The following WNT7A variants were observed in gnomAD, a reference collection of about 807,000 sequenced individuals.
WNT7A encodes protein Wnt-7a.
Under a neutral mutation model 28.2 loss-of-function variants are expected in WNT7A, and 16 were observed. That is an observed-to-expected ratio of 0.57 (90% confidence interval 0.38 to 0.86). WNT7A has a LOEUF of 0.86. WNT7A is among the 40% of genes least tolerant of loss of function. WNT7A has a pLI of 0.00. For missense variants in WNT7A, 411 were observed against 489.7 expected, an observed-to-expected ratio of 0.84 and a Z score of 1.52; for synonymous variants, 190 against 195.9, an observed-to-expected ratio of 0.97 and a Z score of 0.25.
At chr3:13,856,984 A>G (rs57938058) in intron 2 of WNT7A, among the ~76,000 whole-genome samples, 5 of 71,158 alleles carry the variant, frequency 7.0e-5, no homozygotes, top group African/African-American at 1.8e-4. Context: ...GAAGAAGAAG[A>G]AGGAGAAGAA....
intron 2 of WNT7A, among the ~76,000 whole-genome samples, chr3:13,856,893 A>AAAAAGAAGAAGAAGAAGAAG (rs1559303190): frequency 4.1e-5 from 3 of 73,288 alleles, no homozygotes; most frequent in Non-Finnish European, 7.7e-5. Context: ...AGAAGAAGAA[A>AAAAAGAAGAAGAAGAAGAAG]AAGAAGAAGA....
chr3:13,858,619 G>T (rs1326729986), intron 2 of WNT7A, among the ~76,000 whole-genome samples: 1 of 152,102 alleles, frequency 6.6e-6, no homozygotes, highest in Non-Finnish European at 1.5e-5. Flanking sequence ...CCCAGAGTGA[G>T]GTCTCATCAA....
chr3:13,829,500 G>A (rs963460431), intron 3 of WNT7A, among the ~76,000 whole-genome samples: 1 of 152,192 alleles, frequency 6.6e-6, no homozygotes, highest in Non-Finnish European at 1.5e-5. Flanking sequence ...TTGAGCAGTG[G>A]ATGCTGGGAT....
intron 1 of WNT7A, among the ~76,000 whole-genome samples, chr3:13,878,392 G>A (rs938973163): frequency 6.6e-6 from 1 of 152,192 alleles, no homozygotes; most frequent in African/African-American, 2.4e-5. Context: ...GCGGCGGGGC[G>A]CGGGCCAAGA....
chr3:13,839,932 G>C (rs1694429889), intron 3 of WNT7A, among the ~76,000 whole-genome samples: 1 of 152,188 alleles, frequency 6.6e-6, no homozygotes, highest in African/African-American at 2.4e-5. Flanking sequence ...AAGCAGGGGT[G>C]CAGGGAGGGT....
In WNT7A at chr3:13,817,835, C is replaced by T. The variant is rs3796314; in HGVS notation, c.*1109G>A. 20,047 of 152,222 alleles carry T rather than the reference C, an allele frequency of 0.13. 1,570 individuals are homozygous for T. The highest frequency in any genetic ancestry group is 0.21 in the Middle Eastern group (62 of 294). 9.4% of individuals were successfully genotyped at this position (152,222 alleles called of 1,614,324 possible). On this transcript the variant is annotated 3_prime_UTR_variant, in exon 4 of 4. Coordinates refer to ENST00000285018, the MANE Select transcript of WNT7A (RefSeq NM_004625.4). ...CCCACCACAGTGACTCATTTCGAAG[C>T]TACCACTCAGTGGCCCTGCTTGAAA... is the stretch of plus-strand genomic sequence containing the variant.
At chr3:13,863,082 G>C (rs902897343) in intron 2 of WNT7A, among the ~76,000 whole-genome samples, 3 of 152,140 alleles carry the variant, frequency 2.0e-5, no homozygotes, top group Non-Finnish European at 2.9e-5. Flanking sequence ...TACCTCCCAG[G>C]GTTGTTGGGA....
chr3:13,842,554 A>G (rs983156239), intron 3 of WNT7A, among the ~76,000 whole-genome samples: 1 of 152,164 alleles, frequency 6.6e-6, no homozygotes, highest in Non-Finnish European at 1.5e-5. Flanking sequence ...GCTCGGGGGT[A>G]TAAGTTATTT....
At chr3:13,830,876 C>G (rs541666550) in intron 3 of WNT7A, among the ~76,000 whole-genome samples, 1 of 152,342 alleles carries the variant, frequency 6.6e-6, no homozygotes, top group East Asian at 1.9e-4. Flanking sequence ...ACTACGCCAT[C>G]TCCCAGACTC....
Position 13,819,090 on chromosome 3 carries a change from T to C in WNT7A, c.904A>G (p.Ser302Gly), listed in dbSNP as rs1325226530. The change falls in exon 4 of 4, where the codon AGC becomes GGC. Residue 302 changes from serine (S) to glycine (G), a missense_variant. Coordinates refer to ENST00000285018, the MANE Select transcript of WNT7A (RefSeq NM_004625.4). ...RACNKTAPQA[S>G]GCDLMCCGRG... Reference sequence around the variant, plus strand: ...CCACAGCACATGAGGTCACAGCCGCTGGCCTGGGGAGCCGTCTTGTTGCAG... The same window carrying C: ...CCACAGCACATGAGGTCACAGCCGCCGGCCTGGGGAGCCGTCTTGTTGCAG... 1.9e-6 allele frequency: 3 copies of C among 1,614,158 alleles called. No homozygotes were observed. Among genetic ancestry groups the C allele is most frequent in the South Asian group, 1.1e-5 (1 of 91,082 alleles).
At chr3:13,870,767 G>T (rs777339808) in intron 2 of WNT7A, among the ~76,000 whole-genome samples, 1 of 152,234 alleles carries the variant, frequency 6.6e-6, no homozygotes, top group Non-Finnish European at 1.5e-5. Context: ...AGGCCGTCCC[G>T]CTGCCCCAAG....
chr3:13,819,500 GC>G, intron 3 of WNT7A, 77 bp from the exon 4 acceptor site: 2 of 1,357,028 alleles, frequency 1.5e-6, no homozygotes, highest in Non-Finnish European at 1.9e-6. Context: ...GCTCCCCCCC[GC>G]CCCCCACCCC....
intron 3 of WNT7A, among the ~76,000 whole-genome samples, chr3:13,852,987 G>A (rs1339125934): frequency 6.6e-6 from 1 of 152,104 alleles, no homozygotes; most frequent in Non-Finnish European, 1.5e-5. Context: ...GAGATGGGAG[G>A]GCTGTTCCTG....
At chr3:13,866,735 G>C (rs985725198) in intron 2 of WNT7A, among the ~76,000 whole-genome samples, 1 of 152,134 alleles carries the variant, frequency 6.6e-6, no homozygotes, top group African/African-American at 2.4e-5. Flanking sequence ...GGATGGGTGT[G>C]CGTTTTATTC....
chr3:13,823,441 G>A (rs1250590008), intron 3 of WNT7A, among the ~76,000 whole-genome samples: 2 of 152,192 alleles, frequency 1.3e-5, no homozygotes, highest in Non-Finnish European at 2.9e-5. Flanking sequence ...GTATGCCCCA[G>A]GCCCGAGCAA....
At chr3:13,877,957 G>T (rs1366805063) in intron 1 of WNT7A, among the ~76,000 whole-genome samples, 1 of 152,248 alleles carries the variant, frequency 6.6e-6, no homozygotes, top group Non-Finnish European at 1.5e-5. Flanking sequence ...TTTTAGGGAC[G>T]TTGAGACTTC....
At chr3:13,866,562 G>C (rs1283918254) in intron 2 of WNT7A, among the ~76,000 whole-genome samples, 2 of 152,226 alleles carry the variant, frequency 1.3e-5, no homozygotes, top group African/African-American at 2.4e-5. Context: ...GTGTACACTA[G>C]AGAGGGGGTA....
At chr3:13,839,550 A>G (rs879422287) in intron 3 of WNT7A, among the ~76,000 whole-genome samples, 3 of 152,226 alleles carry the variant, frequency 2.0e-5, no homozygotes, top group South Asian at 2.1e-4. Context: ...TGGCTTAGCA[A>G]TGAACGCTAT....
chr3:13,842,801 G>A (rs1197084722), intron 3 of WNT7A, among the ~76,000 whole-genome samples: 1 of 152,168 alleles, frequency 6.6e-6, no homozygotes, highest in African/African-American at 2.4e-5. Flanking sequence ...AGACATCCTG[G>A]AGCAGGGAGG....
Sources: allele counts gnomAD v4.1 joint callset (sites outside exome capture counted in the v4.1 genomes callset), GRCh38; gene constraint gnomAD v4.1.1; transcripts MANE v1.5; gene names NCBI Gene and HGNC (gene_info 2026-07-23, HGNC 2026-07-21).